The following MLC1 variants were observed in gnomAD, a reference collection of about 807,000 sequenced individuals.
The protein encoded by MLC1 is membrane protein MLC1.
In MLC1, 32 loss-of-function variants were observed where a neutral mutation model predicts 44.7. That is an observed-to-expected ratio of 0.72 (90% confidence interval 0.54 to 0.96). MLC1 has a LOEUF of 0.96. MLC1 is among the 40% of genes least tolerant of loss of function. MLC1 has a pLI of 0.00. For synonymous variants in MLC1, 190 were observed against 213.0 expected, an observed-to-expected ratio of 0.89 and a Z score of 0.94; for missense variants, 459 against 492.2, an observed-to-expected ratio of 0.93 and a Z score of 0.64.
rs1183818307 is a variant in MLC1, at chr22:50,064,200, T to C, written c.895-2A>G. On this transcript the variant is annotated splice_acceptor_variant, in intron 10 of 11. Transcript: ENST00000311597. LOFTEE classifies it high-confidence loss of function. ...CAGCAGCAGCACATCGTAGGATGGC[T>C]GCAGGCGGAAGGAGGTGTGAGCAGA... 6.3e-7 allele frequency: 1 copy of C among 1,593,092 alleles called. No homozygotes were observed. The highest frequency in any genetic ancestry group is 1.3e-5 in the African/African-American group (1 of 74,838).
At chr22:50,068,067 G>T (rs1007040192) in intron 10 of MLC1, among the ~76,000 whole-genome samples, 1 of 152,192 alleles carries the variant, frequency 6.6e-6, no homozygotes, top group Admixed American at 6.5e-5. Flanking sequence ...TCAGCTCAAA[G>T]TAACAGGACT....
rs555834017 is a variant in MLC1 at position 50,070,270 on chromosome 22, C to T, written c.771+257G>A. On this transcript the variant is annotated intron_variant, in intron 9 of 11. Transcript: ENST00000311597. ...ATGATGCTCAGACACTGGTCTCCTT[C>T]CAAGGGTTAGGCACAGAGAGCGCTT... Among the ~76,000 whole-genome samples, 4 of 152,334 alleles carry T rather than the reference C, an allele frequency of 2.6e-5. No homozygotes were observed. The South Asian group carries it at 8.3e-4, about 32-fold the overall frequency.
In MLC1 at chr22:50,059,417, T is replaced by G. The variant is rs1018800089; in HGVS notation, c.*2166A>C. On this transcript the variant is annotated 3_prime_UTR_variant, in exon 12 of 12. Transcript: ENST00000311597. ...ACGTCTGCAAGTCAGCGTTTATTGC[T>G]CAAGCGTATTAAACAAAAATGTAGA... is the stretch of plus-strand genomic sequence containing the variant. 6.6e-6 allele frequency: 1 copy of G among 152,362 alleles called. No homozygotes were observed. The highest frequency in any genetic ancestry group is 1.5e-5 in the Non-Finnish European group (1 of 68,046). 9.4% of individuals were successfully genotyped at this position (152,362 alleles called of 1,614,324 possible). A position where few individuals can be genotyped will look rare whatever the true frequency, so the allele number is the denominator to read the frequency against.
chr22:50,070,734 C>T, intron 8 of MLC1, 151 bp from the exon 9 acceptor site: 1 of 804,364 alleles, frequency 1.2e-6, no homozygotes. Flanking sequence ...CCCAAAGGCG[C>T]AGCTGGGGCA....
chr22:50,074,587 A>G, intron 7 of MLC1: 1 of 500,622 alleles, frequency 2.0e-6, no homozygotes. Context: ...GCTTTTGTCC[A>G]CAGAAACTGA....
intron 11 of MLC1, 113 bp downstream of exon 11, chr22:50,063,893 CTCACCTCCCCGGCTGGGCACCCCTGTGG>C: frequency 1.0e-6 from 1 of 970,616 alleles, no homozygotes; most frequent in Non-Finnish European, 1.5e-6. Flanking sequence ...CTGCAGGCCA[CTCACCTCCCCGGCTGGGCACCCCTGTGG>C]GCCACTCACC....
chr22:50,078,709 A>G (rs2062043505), intron 5 of MLC1, among the ~76,000 whole-genome samples: 1 of 151,708 alleles, frequency 6.6e-6, no homozygotes, highest in Non-Finnish European at 1.5e-5. Flanking sequence ...ACTGCACTCC[A>G]GTCTGGGCGA....
intron 8 of MLC1, among the ~76,000 whole-genome samples, chr22:50,073,514 T>G (rs1181988168): frequency 1.3e-5 from 2 of 152,130 alleles, no homozygotes; most frequent in Admixed American, 6.5e-5. Flanking sequence ...GCAGATCACT[T>G]GAGGTCAGGA....
intron 8 of MLC1, among the ~76,000 whole-genome samples, chr22:50,072,440 C>T (rs2061875772): frequency 6.6e-6 from 1 of 152,226 alleles, no homozygotes; most frequent in African/African-American, 2.4e-5. Flanking sequence ...CTCTCCTCTC[C>T]TCCTGGGGTC....
chr22:50,070,688 T>G, intron 8 of MLC1, 105 bp from the exon 9 acceptor site: 2 of 1,231,474 alleles, frequency 1.6e-6, no homozygotes, highest in Non-Finnish European at 2.3e-6. Context: ...GCTGCCTGGC[T>G]GGCTTGCTGT....
intron 10 of MLC1, 99 bp downstream of exon 10, chr22:50,068,334 G>A (rs1265632019): frequency 6.6e-7 from 1 of 1,521,698 alleles, no homozygotes; most frequent in Non-Finnish European, 9.0e-7. Context: ...GCTGTCCCTG[G>A]AGCCAGCGCC....
intron 9 of MLC1, among the ~76,000 whole-genome samples, chr22:50,069,926 G>A (rs2061807870): frequency 6.6e-6 from 1 of 152,146 alleles, no homozygotes; most frequent in South Asian, 2.1e-4. Context: ...TTTCGGCCGG[G>A]CGTGGTGGCT....
Position 50,077,473 on chromosome 22 carries a change from C to A in MLC1, c.453G>T (p.Leu151=), listed in dbSNP as rs1279567153. The A allele has an allele frequency of 1.2e-6, 2 of 1,613,680 alleles. No individual in the cohort carries two copies. Among genetic ancestry groups the A allele is most frequent in the Non-Finnish European group, 1.7e-6 (2 of 1,180,032 alleles). Residue 151 remains leucine (L), a synonymous_variant, in exon 6 of 12, where the codon CTG becomes CTT. Transcript: ENST00000311597. ...CCGTGGCCGCCATGAGCAGCTCCAG[C>A]AGGAGCAGCAGGATGAGGTTGAAGT... ...NINFNLILLL[L]LELLMAATVI...
intron 7 of MLC1, among the ~76,000 whole-genome samples, chr22:50,076,437 C>T (rs1163463078): frequency 6.6e-6 from 1 of 152,066 alleles, no homozygotes; most frequent in East Asian, 1.9e-4. Flanking sequence ...TGCCTGTAGT[C>T]CCAGCTCCTC....
intron 10 of MLC1, among the ~76,000 whole-genome samples, chr22:50,067,254 G>C (rs1449812119): frequency 1.3e-5 from 2 of 152,038 alleles, no homozygotes; most frequent in African/African-American, 4.8e-5. Flanking sequence ...GGGAGGCCGA[G>C]GACGCTATCC....
At chr22:50,064,305 C>G in intron 10 of MLC1, 107 bp from the exon 11 acceptor site, 1 of 1,373,856 alleles carries the variant, frequency 7.3e-7, no homozygotes, top group South Asian at 1.3e-5. Flanking sequence ...TGCCAGGGCT[C>G]GAGTCGGAGC....
At chr22:50,084,470 A>C (rs2062230573) in intron 2 of MLC1, among the ~76,000 whole-genome samples, 1 of 152,176 alleles carries the variant, frequency 6.6e-6, no homozygotes, top group Admixed American at 6.5e-5. Flanking sequence ...TGGCCCTGGG[A>C]CTGTCCCTAC....
At chr22:50,062,184 G>GCCGC (rs2061577311) in intron 11 of MLC1, among the ~76,000 whole-genome samples, 6 of 132,230 alleles carry the variant, frequency 4.5e-5, no homozygotes, top group Non-Finnish European at 7.8e-5. Context: ...CTAAGCCCCA[G>GCCGC]CCATCCACCC....
intron 2 of MLC1, among the ~76,000 whole-genome samples, chr22:50,084,035 G>A (rs1316458168): frequency 6.6e-6 from 1 of 152,166 alleles, no homozygotes; most frequent in Non-Finnish European, 1.5e-5. Flanking sequence ...TGCCGGCGGA[G>A]GCCAGGGCAC....
Sources: gnomAD v4.1 joint callset for allele counts (sites outside exome capture counted in the v4.1 genomes callset) on GRCh38, gnomAD v4.1.1 for gene constraint, MANE v1.5 for transcripts, NCBI Gene and HGNC (gene_info 2026-07-23, HGNC 2026-07-21) for gene names.